The following ACOX2 variants were observed in gnomAD, a reference collection of about 807,000 sequenced individuals.
The protein encoded by ACOX2 is peroxisomal acyl-coenzyme A oxidase 2.
A neutral mutation model predicts 77.5 loss-of-function variants in ACOX2; 59 were observed. The ratio of observed to expected loss-of-function variants is 0.76; its 90% CI spans 0.62 to 0.95. ACOX2 has a LOEUF of 0.95. Among genes scored for constraint, ACOX2 ranks in the 40% least tolerant of loss-of-function variants. ACOX2 has a pLI of 0.00. For synonymous variants in ACOX2, 317 were observed against 340.1 expected (o/e 0.93, Z 0.75); for missense variants, 837 against 880.4 (o/e 0.95, Z 0.62).
In ACOX2 at chr3:58,531,385, G is replaced by A. The variant is rs770022048; in HGVS notation, c.704-19C>T. 30 of 1,603,476 alleles carry A rather than the reference G, an allele frequency of 1.9e-5. No homozygotes were observed. Among genetic ancestry groups the A allele is most frequent in the Admixed American group, 5.0e-5 (3 of 59,932 alleles). On this transcript the variant is annotated intron_variant, in intron 6 of 14. Transcript: ENST00000302819. This position sits in a 1 kb window ranked among gnomAD's most constrained non-coding sequence, Gnocchi z 5.8. ...ATGATTCCTTGAAGGAGATGGAGAT[G>A]AGGACACCTATCAGTTGAGAGAGTG...
In ACOX2 at chr3:58,526,466, C is replaced by G. The variant is rs1412480682; in HGVS notation, c.1346G>C (p.Arg449Thr). ...ENTVLYLQVA[R>T]FLVKSYLQTQ... The stretch of plus-strand genomic sequence containing the variant: ...AGGCCTGGGTCAGCCTGGACCTTAC[C>G]TGGCCACCTGCAGGTAGAGCACTGT... Residue 449 changes from arginine (R) to threonine (T), a missense_variant and splice_region_variant, in exon 10 of 15, where the codon AGG (arginine) becomes ACG (threonine). Coordinates refer to ENST00000302819, the MANE Select transcript of ACOX2 (RefSeq NM_003500.4). This position sits in a 1 kb window ranked among gnomAD's most constrained non-coding sequence, Gnocchi z 4.3. 2 of 1,610,634 alleles carry G rather than the reference C, an allele frequency of 1.2e-6. No individual in the cohort carries two copies. The highest frequency in any genetic ancestry group is 1.7e-6 in the Non-Finnish European group (2 of 1,178,138).
Position 58,533,095 on chromosome 3 carries a change from G to A in ACOX2, c.583+350C>T, listed in dbSNP as rs186516263. Among the ~76,000 whole-genome samples the A allele has an allele frequency of 1.6e-4, 25 of 152,220 alleles. No homozygotes were observed. In the East Asian group the frequency reaches 1.9e-3, roughly 12 times the overall value. On this transcript the variant is annotated intron_variant, in intron 5 of 14. Coordinates refer to ENST00000302819, the MANE Select transcript of ACOX2 (RefSeq NM_003500.4). The surrounding 1 kb of genome is among the most constrained non-coding windows in gnomAD (Gnocchi z 5.6). Reference sequence around the variant, plus strand: ...TGGTGGCAAGCTCTGCCACTAACTCGGGAGATGAGAGGAACCGGGGTTGTG... The same window carrying A: ...TGGTGGCAAGCTCTGCCACTAACTCAGGAGATGAGAGGAACCGGGGTTGTG...
chr3:58,508,852 C>T (rs2063253738), intron 14 of ACOX2, 41 bp downstream of exon 14: 1 of 1,608,024 alleles, frequency 6.2e-7, no homozygotes. Flanking sequence ...TGCCTGTTCT[C>T]TGCTTTCTTA....
chr3:58,522,362 C>T lies in ACOX2; in HGVS notation c.1632+134G>A, dbSNP rs2063364423. 23 of 780,460 alleles carry T rather than the reference C, an allele frequency of 2.9e-5. 4 individuals are homozygous for T. The South Asian group carries it at 3.7e-4, about 12-fold the overall frequency. The allele number at this position is 780,460 out of a possible 1,614,324, so 48.3% of individuals were successfully genotyped here. A position where few individuals can be genotyped will look rare whatever the true frequency, so the allele number is the denominator to read the frequency against. ...TAATTAAAATACCCTGGACTAAAGCCTTGGAAGTGAAATGAGGGCAGCCGC... is the reference window on the plus strand; with the variant it reads ...TAATTAAAATACCCTGGACTAAAGCTTTGGAAGTGAAATGAGGGCAGCCGC... On this transcript the variant is annotated intron_variant, in intron 12 of 14. Coordinates refer to ENST00000302819, the MANE Select transcript of ACOX2 (RefSeq NM_003500.4). The surrounding 1 kb of genome is among the most constrained non-coding windows in gnomAD (Gnocchi z 4.3).
At chr3:58,511,228 A>G (rs964178752) in intron 13 of ACOX2, 25 of 321,198 alleles carry the variant, frequency 7.8e-5, no homozygotes, top group Non-Finnish European at 1.5e-4. Flanking sequence ...CTCCAACAAC[A>G]TCAAAATTCC....
At position 58,528,919 on chromosome 3, in the gene ACOX2, G is replaced by C; in HGVS notation, c.1030C>G (p.Gln344Glu). 1.2e-6 allele frequency: 2 copies of C among 1,613,590 alleles called. No individual in the cohort carries two copies. The highest frequency in any genetic ancestry group is 1.7e-6 in the Non-Finnish European group (2 of 1,179,774). ...EAKVLDYQTQQQKLFPQLAIS... is the reference protein window; with the variant it reads ...EAKVLDYQTQEQKLFPQLAIS... ...GCCAGCTGAGGAAAGAGTTTCTGCTGTTGTGTCTGGTAGTCCAGGACCTTT... is the reference window on the plus strand; with the variant it reads ...GCCAGCTGAGGAAAGAGTTTCTGCTCTTGTGTCTGGTAGTCCAGGACCTTT... The change falls in exon 9 of 15, where the codon CAG becomes GAG. Residue 344 changes from glutamine to glutamate, a missense_variant. Gln to Glu is a conservative substitution (Grantham distance 29). Coordinates refer to ENST00000302819, the MANE Select transcript of ACOX2 (RefSeq NM_003500.4). This position sits in a 1 kb window ranked among gnomAD's most constrained non-coding sequence, Gnocchi z 5.6.
At chr3:58,530,356 A>G in intron 8 of ACOX2, 110 bp downstream of exon 8, 1 of 1,458,806 alleles carries the variant, frequency 6.9e-7, no homozygotes, top group Middle Eastern at 2.5e-4. Flanking sequence ...GGTGGGGGGC[A>G]TTGCCTGCTC....
chr3:58,506,156 G>A (rs1037020694), intron 14 of ACOX2, among the ~76,000 whole-genome samples: 43 of 152,198 alleles, frequency 2.8e-4, no homozygotes, highest in African/African-American at 9.9e-4. Context: ...CACAAAGTAT[G>A]TACTTAGTAA....
chr3:58,534,185 G>C lies in ACOX2; in HGVS notation c.324-40C>G, dbSNP rs2063462134. The stretch of plus-strand genomic sequence containing the variant: ...TGCTGTAGTTGAGTAGCTTATTGGA[G>C]ACAGGGGCCCAGGTACCCCCTGCCT... On this transcript the variant is annotated intron_variant, in intron 3 of 14. Coordinates refer to ENST00000302819, the MANE Select transcript of ACOX2 (RefSeq NM_003500.4). The surrounding 1 kb of genome is among the most constrained non-coding windows in gnomAD (Gnocchi z 4.8). The C allele has an allele frequency of 1.2e-6, 2 of 1,610,714 alleles. No homozygotes were observed. The highest frequency in any genetic ancestry group is 2.7e-5 in the African/African-American group (2 of 74,718).
chr3:58,522,543 G>A lies in ACOX2; in HGVS notation c.1585C>T (p.His529Tyr). Reference protein sequence around the residue: ...QTLTQSGADQHEAWNQTTVIH... With the variant: ...QTLTQSGADQYEAWNQTTVIH... ...ACAGTGGTCTGGTTCCAAGCCTCGT[G>A]CTGGTCAGCTCCGGATTGCGTCAGG... Residue 529 changes from histidine to tyrosine, a missense_variant, in exon 12 of 15, where the codon CAC becomes TAC. Coordinates refer to ENST00000302819, the MANE Select transcript of ACOX2 (RefSeq NM_003500.4). This position sits in a 1 kb window ranked among gnomAD's most constrained non-coding sequence, Gnocchi z 4.3. 6.2e-7 allele frequency: 1 copy of A among 1,614,184 alleles called. No individual in the cohort carries two copies. Among genetic ancestry groups the A allele is most frequent in the South Asian group, 1.1e-5 (1 of 91,088 alleles).
At chr3:58,529,474 T>C (rs998312252) in intron 8 of ACOX2, among the ~76,000 whole-genome samples, 1 of 152,256 alleles carries the variant, frequency 6.6e-6, no homozygotes, top group African/African-American at 2.4e-5. Context: ...CAAGGCTATG[T>C]CCGGCATTTA....
At position 58,512,600 on chromosome 3, in the gene ACOX2, C is replaced by T. The variant is rs1244178304; in HGVS notation, c.1851-3575G>A. 2.0e-5 allele frequency among the ~76,000 whole-genome samples: 3 copies of T among 152,162 alleles called. No homozygotes were observed. The highest frequency in any genetic ancestry group is 6.6e-5 in the Admixed American group (1 of 15,264). The stretch of plus-strand genomic sequence containing the variant: ...ACTCCCTTAACTCTCTGCCCTCTGC[C>T]GTCATTTTCCACCGCAGTCATGCCA... On this transcript the variant is annotated intron_variant, in intron 13 of 14. Transcript: ENST00000302819. The surrounding 1 kb of genome is among the most constrained non-coding windows in gnomAD (Gnocchi z 4.8).
In ACOX2 at chr3:58,525,152, T is replaced by A. The variant is rs1264128810; in HGVS notation, c.1347-547A>T. Among the ~76,000 whole-genome samples, 1 of 151,928 alleles carries A rather than the reference T, an allele frequency of 6.6e-6. No individual in the cohort carries two copies. The highest frequency in any genetic ancestry group is 1.9e-4 in the East Asian group (1 of 5,174). On this transcript the variant is annotated intron_variant, in intron 10 of 14. Transcript: ENST00000302819. The surrounding 1 kb of genome is among the most constrained non-coding windows in gnomAD (Gnocchi z 5.0). ...AAGTCTCTGTTTCTCTAGCTCTAGG[T>A]GGGGAGGACAGTTCTCATCTGATTG...
In ACOX2 at chr3:58,522,658, T is replaced by C. The variant is rs550567193; in HGVS notation, c.1527-57A>G. ...CTGACTGAGTGGAAAAGACAACTGA[T>C]GGGCTTCCTGTGGTCCCTCAGAAGT... is the stretch of plus-strand genomic sequence containing the variant. On this transcript the variant is annotated intron_variant, in intron 11 of 14. Transcript: ENST00000302819. This position sits in a 1 kb window ranked among gnomAD's most constrained non-coding sequence, Gnocchi z 4.3. 61 of 1,482,452 alleles carry C rather than the reference T, an allele frequency of 4.1e-5. No individual in the cohort carries two copies. Among genetic ancestry groups the C allele is most frequent in the Middle Eastern group, 1.7e-4 (1 of 5,822 alleles). 91.8% of individuals were successfully genotyped at this position (1,482,452 alleles called of 1,614,324 possible).
rs1362961545 is a variant in ACOX2, at chr3:58,529,166, G to A, written c.993-210C>T. ...TGCAGGAATACTGACACATTTGTTG[G>A]TGGGTACTGCCCCTTGTTAAGGGAG... On this transcript the variant is annotated intron_variant, in intron 8 of 14. Transcript: ENST00000302819. 1.9e-5 allele frequency: 9 copies of A among 475,458 alleles called. No individual in the cohort carries two copies. In the East Asian group the frequency reaches 2.4e-4, roughly 13 times the overall value. The allele number at this position is 475,458 out of a possible 1,614,324, so 29.5% of individuals were successfully genotyped here.
At position 58,524,301 on chromosome 3, in the gene ACOX2, G is replaced by C; in HGVS notation, c.1526+125C>G. 1 of 1,228,470 alleles carries C rather than the reference G, an allele frequency of 8.1e-7. No individual in the cohort carries two copies. Among genetic ancestry groups the C allele is most frequent in the Non-Finnish European group, 1.1e-6 (1 of 894,116 alleles). The allele number at this position is 1,228,470 out of a possible 1,614,324, so 76.1% of individuals were successfully genotyped here. On this transcript the variant is annotated intron_variant, in intron 11 of 14. Transcript: ENST00000302819. This position sits in a 1 kb window ranked among gnomAD's most constrained non-coding sequence, Gnocchi z 5.5. ...GGTGGCAGGAACTGAGAGGACCGGG[G>C]AGGCTAGGCATGGGGTGGTTTTTAG...
rs2108014522 is a variant in ACOX2 at position 58,535,671 on chromosome 3, G to T, written c.-91-474C>A. On this transcript the variant is annotated intron_variant, in intron 1 of 14. Coordinates refer to ENST00000302819, the MANE Select transcript of ACOX2 (RefSeq NM_003500.4). This position sits in a 1 kb window ranked among gnomAD's most constrained non-coding sequence, Gnocchi z 4.8. Reference sequence around the variant, plus strand: ...TCATTAAACTGCTCATAAGTTCTAGGATCACTCAGCTCCATTTCTATGAGC... The same window carrying T: ...TCATTAAACTGCTCATAAGTTCTAGTATCACTCAGCTCCATTTCTATGAGC... Among the ~76,000 whole-genome samples the T allele has an allele frequency of 6.6e-6, 1 of 152,246 alleles. No individual in the cohort carries two copies. Among genetic ancestry groups the T allele is most frequent in the South Asian group, 2.1e-4 (1 of 4,820 alleles).
intron 14 of ACOX2, 72 bp downstream of exon 14, chr3:58,508,821 A>G: frequency 6.4e-7 from 1 of 1,560,486 alleles, no homozygotes; most frequent in Admixed American, 1.8e-5. Context: ...TTAAAATGGG[A>G]GAACATGAAG....
At chr3:58,508,492 C>G (rs2063250642) in intron 14 of ACOX2, among the ~76,000 whole-genome samples, 1 of 152,214 alleles carries the variant, frequency 6.6e-6, no homozygotes, top group Admixed American at 6.5e-5. Flanking sequence ...CTACTTTTAT[C>G]TACACAAAAC....
Sources: gnomAD v4.1 joint callset for allele counts (sites outside exome capture counted in the v4.1 genomes callset) on GRCh38, gnomAD v4.1.1 for gene constraint, Gnocchi (gnomAD v3.1) non-coding constraint, MANE v1.5 for transcripts, NCBI Gene and HGNC (gene_info 2026-07-23, HGNC 2026-07-21) for gene names.